The following LRP1B variants were observed in gnomAD, a reference collection of about 807,000 sequenced individuals.
LRP1B encodes low-density lipoprotein receptor-related protein 1B.
In LRP1B, 217 loss-of-function variants were observed where a neutral mutation model predicts 556.6. That is an observed-to-expected ratio of 0.39 (90% CI 0.35 to 0.44). The LOEUF (loss-of-function observed/expected upper bound fraction) is 0.44, where lower values mean the gene tolerates loss of function less well. LRP1B is among the 20% of genes least tolerant of loss of function. The pLI is 1.00. For missense variants in LRP1B, 5,053 were observed against 5,620.8 expected, an observed-to-expected ratio of 0.90 and a Z score of 3.23; for synonymous variants, 2,047 against 1,865.8, an observed-to-expected ratio of 1.10 and a Z score of -2.50.
intron 3 of LRP1B, among the ~76,000 whole-genome samples, chr2:141,383,695 C>G (rs901878168): frequency 6.6e-6 from 1 of 152,100 alleles, no homozygotes; most frequent in African/African-American, 2.4e-5. Context: ...GGAAACACTT[C>G]CATTTGCAAT....
chr2:140,330,996 C>A (rs186762134), intron 79 of LRP1B, among the ~76,000 whole-genome samples: 20 of 152,064 alleles, frequency 1.3e-4, no homozygotes, highest in Non-Finnish European at 1.8e-4. Context: ...GAGAAATAAT[C>A]TAATAGTACT....
At chr2:140,817,856 A>G (rs936676231) in intron 31 of LRP1B, among the ~76,000 whole-genome samples, 5 of 152,116 alleles carry the variant, frequency 3.3e-5, no homozygotes, top group African/African-American at 1.2e-4. Flanking sequence ...ATACATTTCC[A>G]TCACTTAGCA....
At chr2:141,803,720 C>A (rs1696085466) in intron 2 of LRP1B, among the ~76,000 whole-genome samples, 1 of 152,050 alleles carries the variant, frequency 6.6e-6, no homozygotes, top group African/African-American at 2.4e-5. Flanking sequence ...GTGCCTTATT[C>A]TACTATATAA....
At chr2:140,957,872 ATC>A (rs1385107789) in intron 18 of LRP1B, among the ~76,000 whole-genome samples, 1 of 151,544 alleles carries the variant, frequency 6.6e-6, no homozygotes, top group Non-Finnish European at 1.5e-5. Flanking sequence ...GTTAGATAAT[ATC>A]TCCTCCTAGT....
intron 3 of LRP1B, among the ~76,000 whole-genome samples, chr2:141,305,428 T>TA (rs549857218): frequency 6.4e-4 from 98 of 152,326 alleles, no homozygotes; most frequent in Middle Eastern, 6.8e-3. Flanking sequence ...ATTGATTTTT[T>TA]ATGTTGATTT....
chr2:141,993,490 A>T (rs1002097554), intron 1 of LRP1B, among the ~76,000 whole-genome samples: 1 of 152,152 alleles, frequency 6.6e-6, no homozygotes, highest in African/African-American at 2.4e-5. Context: ...CCTATCAGGA[A>T]ACTCGGAAAA....
rs1390787908 is a variant in LRP1B, at chr2:142,091,149, C to T, written c.82+39499G>A. Among the ~76,000 whole-genome samples, 15 of 152,080 alleles carry T rather than the reference C, an allele frequency of 9.9e-5. 1 individual carries two copies. Among genetic ancestry groups the T allele is most frequent in the Non-Finnish European group, 1.5e-5 (1 of 67,972 alleles). Reference sequence around the variant, plus strand: ...TTAAGCAAAAAACTGAATAAGAAGACTGCTCATCTTTAAAATGAAGTATAA... The same window carrying T: ...TTAAGCAAAAAACTGAATAAGAAGATTGCTCATCTTTAAAATGAAGTATAA... On this transcript the variant is annotated intron_variant, in intron 1 of 90. Coordinates refer to ENST00000389484, the MANE Select transcript of LRP1B (RefSeq NM_018557.3).
At chr2:141,759,784 G>T (rs1306868276) in intron 2 of LRP1B, among the ~76,000 whole-genome samples, 2 of 152,146 alleles carry the variant, frequency 1.3e-5, no homozygotes, top group South Asian at 2.1e-4. Context: ...AGATCTTTGA[G>T]GGGGAGACAT....
At chr2:141,351,655 AC>A (rs1003856841) in intron 3 of LRP1B, among the ~76,000 whole-genome samples, 1 of 151,906 alleles carries the variant, frequency 6.6e-6, no homozygotes, top group African/African-American at 2.4e-5. Flanking sequence ...TACAATTCAG[AC>A]CCCTTTTTAG....
At position 141,256,082 on chromosome 2, in the gene LRP1B, A is replaced by G. The variant is rs986630397; in HGVS notation, c.344-1441T>C. Among the ~76,000 whole-genome samples the G allele has an allele frequency of 3.9e-5, 6 of 152,178 alleles. 1 individual carries two copies. The highest frequency in any genetic ancestry group is 1.9e-4 in the East Asian group (1 of 5,172). The stretch of plus-strand genomic sequence containing the variant: ...AACAACAATATAAAACAATGTTTAT[A>G]AATCATAGTAGCAAAACACATATGC... On this transcript the variant is annotated intron_variant, in intron 3 of 90. Coordinates refer to ENST00000389484, the MANE Select transcript of LRP1B (RefSeq NM_018557.3).
intron 1 of LRP1B, among the ~76,000 whole-genome samples, chr2:141,920,486 G>A (rs1230202216): frequency 6.6e-6 from 1 of 151,960 alleles, no homozygotes; most frequent in Non-Finnish European, 1.5e-5. Flanking sequence ...AAAAATTGGA[G>A]AAAACTTGGA....
chr2:140,490,037 T>C (rs537219579), intron 57 of LRP1B, among the ~76,000 whole-genome samples: 1 of 152,126 alleles, frequency 6.6e-6, no homozygotes, highest in East Asian at 1.9e-4. Context: ...GCAAGAAACA[T>C]TAAAACAGCC....
At chr2:141,140,781 T>A (rs2105054909) in intron 7 of LRP1B, among the ~76,000 whole-genome samples, 1 of 152,288 alleles carries the variant, frequency 6.6e-6, no homozygotes, top group African/African-American at 2.4e-5. Context: ...ACTAGCAAAC[T>A]AATACAAGTG....
chr2:141,930,911 T>C (rs2104994211), intron 1 of LRP1B, among the ~76,000 whole-genome samples: 1 of 152,170 alleles, frequency 6.6e-6, no homozygotes, highest in Middle Eastern at 3.4e-3. Context: ...CTCATTAAGA[T>C]GTAACTGCCT....
intron 7 of LRP1B, among the ~76,000 whole-genome samples, chr2:141,107,559 T>C (rs1356497087): frequency 6.6e-6 from 1 of 152,036 alleles, no homozygotes. Flanking sequence ...AGCAGGAGAA[T>C]TGCTTGAACC....
chr2:141,024,060 A>G (rs1698145570), intron 11 of LRP1B, among the ~76,000 whole-genome samples: 1 of 152,070 alleles, frequency 6.6e-6, no homozygotes, highest in African/African-American at 2.4e-5. Context: ...TTGTAGTTCA[A>G]TTAATACATA....
intron 46 of LRP1B, among the ~76,000 whole-genome samples, chr2:140,536,311 T>TG (rs1690966846): frequency 1.6e-5 from 1 of 61,894 alleles, no homozygotes; most frequent in Admixed American, 2.7e-4. Context: ...CCCGTCTCTT[T>TG]AAAAAAAAAA....
At chr2:140,515,428 CA>C (rs1261706958) in intron 50 of LRP1B, among the ~76,000 whole-genome samples, 1 of 151,806 alleles carries the variant, frequency 6.6e-6, no homozygotes, top group African/African-American at 2.4e-5. Context: ...CATTTATTTC[CA>C]AAGCCAATTT....
intron 1 of LRP1B, among the ~76,000 whole-genome samples, chr2:142,048,491 T>TTTCTACTATGAAACTC (rs1423733631): frequency 2.6e-5 from 4 of 152,096 alleles, no homozygotes; most frequent in Admixed American, 1.3e-4. Flanking sequence ...AGTGAAACTC[T>TTTCTACTATGAAACTC]TTCTACTATG....
Sources: gnomAD v4.1 joint callset for allele counts (sites outside exome capture counted in the v4.1 genomes callset) on GRCh38, gnomAD v4.1.1 for gene constraint, MANE v1.5 for transcripts, NCBI Gene and HGNC (gene_info 2026-07-23, HGNC 2026-07-21) for gene names.